Variants in ATOSA observed in about 807,000 individuals in gnomAD.
ATOSA encodes atos homolog A, also known as atos homolog protein A.
chr15:52,651,884 C>T, the ATOSA span: 3 of 1,535,324 alleles, frequency 2.0e-6, no homozygotes, highest in African/African-American at 2.7e-5. Context: ...TCTGTGAAGC[C>T]CTTTGTTTCC....
the ATOSA span, among the ~76,000 whole-genome samples, chr15:52,624,336 C>T: frequency 6.6e-6 from 1 of 152,208 alleles, no homozygotes; most frequent in African/African-American, 2.4e-5. Context: ...AAAGCCCATT[C>T]CTAACTCCTT....
chr15:52,625,782 T>C, the ATOSA span, among the ~76,000 whole-genome samples: 1 of 152,222 alleles, frequency 6.6e-6, no homozygotes, highest in Non-Finnish European at 1.5e-5. Context: ...AAACATTCAA[T>C]TAAACAAAGA....
At chr15:52,611,106 C>CTTTTTTT in the ATOSA span, 1 of 1,555,676 alleles carries the variant, frequency 6.4e-7, no homozygotes, top group Non-Finnish European at 8.7e-7. Context: ...ACGCACTGTC[C>CTTTTTTT]TTTTTTTTTG....
At chr15:52,659,636 G>A in the ATOSA span, among the ~76,000 whole-genome samples, 1 of 152,090 alleles carries the variant, frequency 6.6e-6, no homozygotes, top group East Asian at 1.9e-4. Context: ...ACACAGCTGG[G>A]GCAAATGAGC....
chr15:52,662,442 C>T, the ATOSA span, among the ~76,000 whole-genome samples: 1 of 152,224 alleles, frequency 6.6e-6, no homozygotes, highest in East Asian at 1.9e-4. Flanking sequence ...ATAAATAGTG[C>T]AGCTTACTAC....
chr15:52,701,952 T>A, the ATOSA span, among the ~76,000 whole-genome samples: 3 of 151,660 alleles, frequency 2.0e-5, no homozygotes, highest in Admixed American at 6.6e-5. Context: ...AAATAAATTT[T>A]AAAAAAGAGA....
At chr15:52,703,714 G>A in the ATOSA span, among the ~76,000 whole-genome samples, 629 of 152,196 alleles carry the variant, frequency 4.1e-3, 4 homozygotes, top group African/African-American at 0.015. Context: ...CTAGGGGAGG[G>A]ATAGCATTAG....
the ATOSA span, among the ~76,000 whole-genome samples, chr15:52,675,743 C>A: frequency 6.6e-6 from 1 of 151,998 alleles, no homozygotes; most frequent in African/African-American, 2.4e-5. Flanking sequence ...CCTGTCTCTA[C>A]TAAAAATACA....
At chr15:52,683,639 C>A in the ATOSA span, among the ~76,000 whole-genome samples, 1 of 152,198 alleles carries the variant, frequency 6.6e-6, no homozygotes, top group Non-Finnish European at 1.5e-5. Flanking sequence ...CCATTTAATA[C>A]AACATCCCTA....
chr15:52,608,061 A>AT, the ATOSA span, among the ~76,000 whole-genome samples: 42 of 150,772 alleles, frequency 2.8e-4, no homozygotes, highest in East Asian at 1.4e-3. Flanking sequence ...TTATTTATTT[A>AT]TTTTTTTTTG....
the ATOSA span, among the ~76,000 whole-genome samples, chr15:52,708,354 C>T: frequency 6.6e-6 from 1 of 152,220 alleles, no homozygotes; most frequent in South Asian, 2.1e-4. Flanking sequence ...ACTCCCAACC[C>T]TAGGATTCCT....
chr15:52,592,001 C>A, the ATOSA span, among the ~76,000 whole-genome samples: 1 of 152,124 alleles, frequency 6.6e-6, no homozygotes, highest in Non-Finnish European at 1.5e-5. Context: ...ACTAATCAAG[C>A]TCTTGACTAA....
the ATOSA span, among the ~76,000 whole-genome samples, chr15:52,653,146 G>C: frequency 2.0e-5 from 3 of 152,174 alleles, no homozygotes; most frequent in African/African-American, 7.2e-5. Context: ...GGCTGAGGCC[G>C]CAGCAGAAGC....
the ATOSA span, chr15:52,649,912 C>T: frequency 5.3e-5 from 8 of 152,122 alleles, no homozygotes; most frequent in African/African-American, 1.9e-4. Context: ...GGCAAAGCCT[C>T]TGTGTGACAC....
the ATOSA span, among the ~76,000 whole-genome samples, chr15:52,625,698 T>G: frequency 1.1e-5 from 1 of 94,476 alleles, no homozygotes; most frequent in Non-Finnish European, 3.2e-5. Flanking sequence ...TAAGGTGCCA[T>G]CTTAAAAAAA....
At chr15:52,616,637 G>A in the ATOSA span, among the ~76,000 whole-genome samples, 1 of 152,092 alleles carries the variant, frequency 6.6e-6, no homozygotes, top group East Asian at 1.9e-4. Flanking sequence ...TTCAAAGTGG[G>A]GACCTGACCC....
At chr15:52,586,962 AT>A in the ATOSA span, 3 of 1,196,416 alleles carry the variant, frequency 2.5e-6, no homozygotes, top group Non-Finnish European at 3.4e-6. Context: ...TGATTAGCTT[AT>A]TAATGCTTTC....
the ATOSA span, chr15:52,600,253 C>A: frequency 1.3e-6 from 2 of 1,487,678 alleles, no homozygotes; most frequent in Non-Finnish European, 1.9e-6. Context: ...AAAAACAAAT[C>A]AGCAAAAGAA....
At chr15:52,690,906 G>C in the ATOSA span, among the ~76,000 whole-genome samples, 9 of 152,318 alleles carry the variant, frequency 5.9e-5, no homozygotes, top group Admixed American at 2.6e-4. Context: ...TCTGATGCTT[G>C]GTGAAATTGA....
Sources: gnomAD v4.1 joint callset for allele counts (sites outside exome capture counted in the v4.1 genomes callset) on GRCh38, gnomAD v4.1.1 for gene constraint, MANE v1.5 for transcripts, NCBI Gene and HGNC (gene_info 2026-07-23, HGNC 2026-07-21) for gene names.